The following METTL24 variants were observed in gnomAD, a reference collection of about 807,000 sequenced individuals.
METTL24 encodes probable methyltransferase-like protein 24.
A neutral mutation model predicts 32.7 loss-of-function variants in METTL24; 29 were observed. The ratio of observed to expected loss-of-function variants is 0.89; its 90% CI spans 0.66 to 1.21. The LOEUF (loss-of-function observed/expected upper bound fraction) is 1.21. Ranked by LOEUF, METTL24 falls within the 50% of genes most tolerant of loss-of-function variation. METTL24 has a pLI of 0.00. For synonymous variants in METTL24, 163 were observed against 179.5 expected (o/e 0.91, Z 0.73); for missense variants, 439 against 468.1 (o/e 0.94, Z 0.57).
chr6:110,306,774 T>C (rs2114739636), intron 3 of METTL24, among the ~76,000 whole-genome samples: 1 of 152,322 alleles, frequency 6.6e-6, no homozygotes, highest in African/African-American at 2.4e-5. Context: ...AAATGTAATA[T>C]GCACAGGTGT....
intron 4 of METTL24, among the ~76,000 whole-genome samples, chr6:110,253,345 C>A (rs990443927): frequency 3.3e-5 from 5 of 152,114 alleles, no homozygotes; most frequent in African/African-American, 1.2e-4. Context: ...AAACTCTGCC[C>A]CACATAAACT....
chr6:110,245,897 T>A lies in METTL24; in HGVS notation c.*49A>T, dbSNP rs1446587266. On this transcript the variant is annotated 3_prime_UTR_variant, in exon 5 of 5. Transcript: ENST00000338882. Reference sequence around the variant, plus strand: ...AAACTCATGATTAGAATTATGGACATGCTGCATTCTGCAAATATTTTCTTG... The same window carrying A: ...AAACTCATGATTAGAATTATGGACAAGCTGCATTCTGCAAATATTTTCTTG... 2.0e-6 allele frequency: 3 copies of A among 1,508,852 alleles called. No homozygotes were observed. Among genetic ancestry groups the A allele is most frequent in the Middle Eastern group, 1.8e-4 (1 of 5,712 alleles). 93.5% of individuals were successfully genotyped at this position (1,508,852 alleles called of 1,614,324 possible).
At chr6:110,340,333 C>G (rs1330015684) in intron 1 of METTL24, among the ~76,000 whole-genome samples, 1 of 152,140 alleles carries the variant, frequency 6.6e-6, no homozygotes, top group Non-Finnish European at 1.5e-5. Flanking sequence ...TGAAGTGATT[C>G]CGGGAGAGAG....
intron 3 of METTL24, among the ~76,000 whole-genome samples, chr6:110,308,382 C>T (rs1771662233): frequency 6.6e-6 from 1 of 152,056 alleles, no homozygotes; most frequent in Non-Finnish European, 1.5e-5. Flanking sequence ...TGATGTTCTC[C>T]AGGAACAAAA....
At chr6:110,275,041 C>T (rs974601160) in intron 4 of METTL24, among the ~76,000 whole-genome samples, 2 of 151,694 alleles carry the variant, frequency 1.3e-5, no homozygotes, top group Non-Finnish European at 2.9e-5. Context: ...TCAAGTGATC[C>T]TCCCACCTCA....
chr6:110,355,149 A>G (rs1399158461), intron 1 of METTL24, among the ~76,000 whole-genome samples: 1 of 152,174 alleles, frequency 6.6e-6, no homozygotes, highest in Non-Finnish European at 1.5e-5. Flanking sequence ...ACTTGTACAA[A>G]GCAATGCACA....
chr6:110,286,167 G>A lies in METTL24; in HGVS notation c.786+12755C>T, dbSNP rs911086284. Among the ~76,000 whole-genome samples the A allele has an allele frequency of 4.6e-5, 7 of 152,182 alleles. No homozygotes were observed. The East Asian group carries it at 1.2e-3, about 25-fold the overall frequency. On this transcript the variant is annotated intron_variant, in intron 4 of 4. Transcript: ENST00000338882. ...AACTCATCGACTGGGTGGGGAGAGA[G>A]AGGGGATGCTGCAGAAACTGACAGC... is the stretch of plus-strand genomic sequence containing the variant.
At chr6:110,265,399 C>A (rs998348542) in intron 4 of METTL24, among the ~76,000 whole-genome samples, 11 of 152,170 alleles carry the variant, frequency 7.2e-5, no homozygotes, top group African/African-American at 2.4e-4. Flanking sequence ...GCAAATATAG[C>A]ATGGCAGGAC....
intron 1 of METTL24, among the ~76,000 whole-genome samples, chr6:110,353,144 C>T (rs750643127): frequency 8.5e-5 from 13 of 152,336 alleles, no homozygotes; most frequent in East Asian, 3.9e-4. Flanking sequence ...TTTCTTTGTG[C>T]GACTAAGCAA....
intron 4 of METTL24, among the ~76,000 whole-genome samples, chr6:110,272,047 G>C (rs971642936): frequency 1.3e-5 from 2 of 152,000 alleles, no homozygotes; most frequent in African/African-American, 4.8e-5. Flanking sequence ...TTGGTTACAC[G>C]GATAAGTTCT....
chr6:110,319,448 GAT>G (rs1562236251), intron 2 of METTL24, among the ~76,000 whole-genome samples: 6 of 152,006 alleles, frequency 3.9e-5, no homozygotes, highest in African/African-American at 1.5e-4. Context: ...TAGATAGATA[GAT>G]AGATAGATAG....
chr6:110,273,256 T>C (rs1453864940), intron 4 of METTL24, among the ~76,000 whole-genome samples: 1 of 152,192 alleles, frequency 6.6e-6, no homozygotes, highest in Non-Finnish European at 1.5e-5. Flanking sequence ...GTTTGCTTTA[T>C]TGAAGATCAG....
chr6:110,284,787 G>A (rs1161259919), intron 4 of METTL24, among the ~76,000 whole-genome samples: 1 of 151,802 alleles, frequency 6.6e-6, no homozygotes, highest in Non-Finnish European at 1.5e-5. Flanking sequence ...TTATACTACA[G>A]TATAATCTGT....
chr6:110,317,658 G>A (rs543466049), intron 2 of METTL24, among the ~76,000 whole-genome samples: 2 of 152,092 alleles, frequency 1.3e-5, no homozygotes, highest in East Asian at 1.9e-4. Flanking sequence ...CTTTGTGTAC[G>A]TATCTCCCTA....
intron 1 of METTL24, among the ~76,000 whole-genome samples, chr6:110,331,292 T>C (rs1479996575): frequency 6.6e-6 from 1 of 151,080 alleles, no homozygotes; most frequent in Non-Finnish European, 1.5e-5. Context: ...CAATACCAAG[T>C]GGTCTAGCAT....
Position 110,322,876 on chromosome 6 carries a change from C to T in METTL24, c.319-4G>A, listed in dbSNP as rs151311646. The T allele has an allele frequency of 6.2e-7, 1 of 1,605,556 alleles. No individual in the cohort carries two copies. Among genetic ancestry groups the T allele is most frequent in the Admixed American group, 1.7e-5 (1 of 58,988 alleles). ...GATCTATATGCCACCGGGGACCCTG[C>T]AAGAGACAGAAAACATAGGTTGTGT... On this transcript the variant is annotated splice_region_variant and splice_polypyrimidine_tract_variant and intron_variant, in intron 1 of 4. Coordinates refer to ENST00000338882, the MANE Select transcript of METTL24 (RefSeq NM_001123364.3).
intron 1 of METTL24, among the ~76,000 whole-genome samples, chr6:110,328,976 T>C (rs1358051129): frequency 3.3e-5 from 5 of 152,238 alleles, no homozygotes; most frequent in Non-Finnish European, 5.9e-5. Flanking sequence ...TTGACAAGCA[T>C]GTTTCTACAT....
intron 4 of METTL24, among the ~76,000 whole-genome samples, chr6:110,261,888 G>A (rs896967585): frequency 2.6e-4 from 40 of 152,240 alleles, no homozygotes; most frequent in African/African-American, 8.4e-4. Context: ...ACGAAATGAA[G>A]GCAGAAATAA....
chr6:110,282,953 G>T (rs1254573592), intron 4 of METTL24, among the ~76,000 whole-genome samples: 2 of 152,110 alleles, frequency 1.3e-5, no homozygotes, highest in African/African-American at 4.8e-5. Flanking sequence ...TCAGGAACAA[G>T]AAGTTTAAGT....
Sources: allele counts gnomAD v4.1 joint callset (sites outside exome capture counted in the v4.1 genomes callset), GRCh38; gene constraint gnomAD v4.1.1; transcripts MANE v1.5; gene names NCBI Gene and HGNC (gene_info 2026-07-23, HGNC 2026-07-21).